FTSJ3: variants seen among roughly 807,000 people sequenced by gnomAD.
FTSJ3 encodes pre-rRNA 2'-O-ribose RNA methyltransferase FTSJ3.
Under a neutral mutation model 111.5 loss-of-function variants are expected in FTSJ3, and 46 were observed. The ratio of observed to expected loss-of-function variants is 0.41; its 90% CI spans 0.33 to 0.53. FTSJ3 has a LOEUF of 0.53. FTSJ3 is among the 20% of genes least tolerant of loss of function. FTSJ3 has a pLI of 0.19. For missense variants in FTSJ3, 1,075 were observed against 1,063.8 expected (o/e 1.01, Z -0.15); for synonymous variants, 408 against 383.0 (o/e 1.07, Z -0.76).
chr17:63,826,546 C>A, intron 3 of FTSJ3, 21 bp downstream of exon 3: 2 of 1,597,972 alleles, frequency 1.3e-6, no homozygotes, highest in African/African-American at 1.3e-5. Context: ...CCAGGAGCAA[C>A]CTGTGGCGAG....
Position 63,819,852 on chromosome 17 carries a change from G to A in FTSJ3, c.2494C>T (p.Gln832Ter). 1.9e-6 allele frequency: 3 copies of A among 1,614,100 alleles called. No homozygotes were observed. The highest frequency in any genetic ancestry group is 2.5e-6 in the Non-Finnish European group (3 of 1,180,018). Reference sequence around the variant, plus strand: ...TGTTCCTTACGTTGCTGTGCTCTTTGGTCCTTCTTCATCCTTGAGTCCACC... The same window carrying A: ...TGTTCCTTACGTTGCTGTGCTCTTTAGTCCTTCTTCATCCTTGAGTCCACC... ...KVVDSRMKKD[Q>*]RAQQRKEQKK... The change falls in exon 21 of 21, where the codon CAA becomes TAA. Residue 832 changes from glutamine to a stop codon, truncating the protein, a stop_gained. Coordinates refer to ENST00000427159, the MANE Select transcript of FTSJ3 (RefSeq NM_017647.4). LOFTEE classifies it high-confidence loss of function.
intron 13 of FTSJ3, among the ~76,000 whole-genome samples, chr17:63,823,246 A>T (rs2040066470): frequency 6.6e-6 from 1 of 152,086 alleles, no homozygotes; most frequent in African/African-American, 2.4e-5. Flanking sequence ...AAACTCAAGT[A>T]ACCTGGCAGC....
In FTSJ3 at chr17:63,827,575, C is replaced by A; in HGVS notation, c.-550G>T. ...GGGCTGGGTGCGGAGCGAGCGTGAT[C>A]TGAGTGGAGAGCGGGCCGGGGCAGG... On this transcript the variant is annotated 5_prime_UTR_variant, in exon 1 of 21. Transcript: ENST00000427159. 6.4e-7 allele frequency: 1 copy of A among 1,551,194 alleles called. No homozygotes were observed. Among genetic ancestry groups the A allele is most frequent in the Admixed American group, 2.0e-5 (1 of 50,980 alleles).
chr17:63,820,352 C>T lies in FTSJ3; in HGVS notation c.2159G>A (p.Gly720Asp). 2 of 1,614,150 alleles carry T rather than the reference C, an allele frequency of 1.2e-6. No individual in the cohort carries two copies. Among genetic ancestry groups the T allele is most frequent in the African/African-American group, 2.7e-5 (2 of 75,012 alleles). ...KQHRIRQLPVGKKEVEHYRKR... is the reference protein window; with the variant it reads ...KQHRIRQLPVDKKEVEHYRKR... ...CCGGTAATGCTCCACCTCCTTCTTA[C>T]CAACAGGCAACTGTCGTATCCGGTG... Residue 720 changes from glycine to aspartate, a missense_variant, in exon 19 of 21, where the codon GGT (glycine) becomes GAT (aspartate). Around this residue, in one of 2 missense-constraint regions of FTSJ3, gnomAD observed 867 missense variants for 796.9 expected, o/e 1.09. Coordinates refer to ENST00000427159, the MANE Select transcript of FTSJ3 (RefSeq NM_017647.4).
Position 63,826,988 on chromosome 17 carries a change from TTTCCCACTTCC to T in FTSJ3, c.-27+53_-26-61del, listed in dbSNP as rs1224530915. The T allele has an allele frequency of 3.4e-3, 578 of 171,302 alleles. 5 individuals carry two copies. The African/African-American group carries it at 0.25, about 74-fold the overall frequency. The allele number at this position is 171,302 out of a possible 1,614,324, so 10.6% of individuals were successfully genotyped here. A position where few individuals can be genotyped will look rare whatever the true frequency, so the allele number is the denominator to read the frequency against. ...CCGGAGCACCAGATTCCACTTCCAG[TTTCCCACTTCC>T]AGTTTCCCACTTCCCGCAGCAATTC... On this transcript the variant is annotated intron_variant, in intron 1 of 20. Transcript: ENST00000427159.
In FTSJ3 at chr17:63,819,552, C is replaced by T. The variant is rs755185706; in HGVS notation, c.*250G>A. 9 of 451,814 alleles carry T rather than the reference C, an allele frequency of 2.0e-5. No individual in the cohort carries two copies. Among genetic ancestry groups the T allele is most frequent in the South Asian group, 4.7e-5 (1 of 21,232 alleles). The allele number at this position is 451,814 out of a possible 1,614,324, so 28.0% of individuals were successfully genotyped here. ...GCTCCAACACCGAACTTCCCTTTAA[C>T]GGTTTAAAAAAAGGGTCATGAGTGT... On this transcript the variant is annotated 3_prime_UTR_variant, in exon 21 of 21. Transcript: ENST00000427159.
rs770024929 is a variant in FTSJ3, at chr17:63,825,451, C to T, written c.401-15G>A. On this transcript the variant is annotated splice_polypyrimidine_tract_variant and intron_variant, in intron 6 of 20. Transcript: ENST00000427159. ...TGTCAAATGGGCTGTAGGATAGAGA[C>T]AATTAGTTGACGCACTCTGCAGCCC... The T allele has an allele frequency of 6.8e-6, 11 of 1,614,012 alleles. 1 individual carries two copies. Among genetic ancestry groups the T allele is most frequent in the South Asian group, 2.2e-5 (2 of 91,080 alleles).
In FTSJ3 at chr17:63,824,074, C is replaced by T; in HGVS notation, c.1154+10G>A. ...TGGGGAACTCCAAGCTCTACCCCAG[C>T]TCCTTTCACCTCTTCAATTCCGCCA... On this transcript the variant is annotated intron_variant, in intron 12 of 20. Transcript: ENST00000427159. 6.2e-7 allele frequency: 1 copy of T among 1,614,172 alleles called. No individual in the cohort carries two copies.
At chr17:63,825,899 C>T in intron 5 of FTSJ3, 157 bp downstream of exon 5, 1 of 677,162 alleles carries the variant, frequency 1.5e-6, no homozygotes, top group Non-Finnish European at 2.6e-6. Flanking sequence ...TAAATAAAGC[C>T]TGGAGTGGAC....
At chr17:63,824,603 G>A in intron 10 of FTSJ3, 34 bp downstream of exon 10, 3 of 1,555,676 alleles carry the variant, frequency 1.9e-6, no homozygotes, top group East Asian at 2.2e-5. Context: ...CTGCCTCCAG[G>A]GCTCCTGGCC....
At position 63,821,125 on chromosome 17, in the gene FTSJ3, G is replaced by C. The variant is rs774220650; in HGVS notation, c.1887-10C>G. On this transcript the variant is annotated splice_polypyrimidine_tract_variant and intron_variant, in intron 16 of 20. Transcript: ENST00000427159. ...ACGGAGGGGTTCCCAGCTGTGAAGA[G>C]GGGAGGACTCTGAGTGATTCCACCA... The C allele has an allele frequency of 5.0e-6, 8 of 1,613,444 alleles. No individual in the cohort carries two copies. Among genetic ancestry groups the C allele is most frequent in the African/African-American group, 4.0e-5 (3 of 74,914 alleles).
chr17:63,823,298 C>T (rs1311260509), intron 13 of FTSJ3, among the ~76,000 whole-genome samples: 2 of 152,116 alleles, frequency 1.3e-5, no homozygotes, highest in Admixed American at 1.3e-4. Flanking sequence ...TCTAGTTCTT[C>T]AAGAATAAAT....
In FTSJ3 at chr17:63,827,082, G is replaced by T; in HGVS notation, c.-57C>A. 1.6e-6 allele frequency: 1 copy of T among 628,496 alleles called. No homozygotes were observed. The highest frequency in any genetic ancestry group is 1.9e-5 in the South Asian group (1 of 53,994). The allele number at this position is 628,496 out of a possible 1,614,324, so 38.9% of individuals were successfully genotyped here. A position where few individuals can be genotyped will look rare whatever the true frequency, so the allele number is the denominator to read the frequency against. On this transcript the variant is annotated 5_prime_UTR_variant, in exon 1 of 21. Coordinates refer to ENST00000427159, the MANE Select transcript of FTSJ3 (RefSeq NM_017647.4). ...CCCAGAGCCGCTTTCTCCACACTTG[G>T]AACCGCACAAGTATGCAGCTAACTA...
chr17:63,825,191 T>A lies in FTSJ3; in HGVS notation c.596-28A>T, dbSNP rs754467637. Reference sequence around the variant, plus strand: ...AAAAATGACAGGATATATTAAAAAGTGTGCTTTGGGAGTTGGGAGCCTGGA... The same window carrying A: ...AAAAATGACAGGATATATTAAAAAGAGTGCTTTGGGAGTTGGGAGCCTGGA... On this transcript the variant is annotated intron_variant, in intron 7 of 20. Transcript: ENST00000427159. The A allele has an allele frequency of 6.8e-6, 11 of 1,613,742 alleles. No individual in the cohort carries two copies. The East Asian group carries it at 2.0e-4, about 29-fold the overall frequency.
intron 5 of FTSJ3, 101 bp downstream of exon 5, chr17:63,825,955 G>A (rs1308117037): frequency 5.3e-6 from 5 of 937,908 alleles, no homozygotes; most frequent in African/African-American, 3.3e-5. Context: ...AGGCAAGAAC[G>A]TGCTCAAAGC....
Position 63,821,577 on chromosome 17 carries a change from A to G in FTSJ3, c.1663T>C (p.Phe555Leu), listed in dbSNP as rs753993771. 26 of 1,613,992 alleles carry G rather than the reference A, an allele frequency of 1.6e-5. 1 individual carries two copies. Among genetic ancestry groups the G allele is most frequent in the African/African-American group, 5.3e-5 (4 of 74,906 alleles). ...TGCCGTCCCTTCCGCCGGTTCTCAAATAACAGCTGGGCCTGACTGATCTCC... is the reference window on the plus strand; with the variant it reads ...TGCCGTCCCTTCCGCCGGTTCTCAAGTAACAGCTGGGCCTGACTGATCTCC... ...ALEISQAQLL[F>L]ENRRKGRQQQ... The change falls in exon 16 of 21, where the codon TTT becomes CTT. Residue 555 changes from phenylalanine to leucine, a missense_variant. Physicochemically the swap from Phe to Leu is conservative, Grantham distance 22. Coordinates refer to ENST00000427159, the MANE Select transcript of FTSJ3 (RefSeq NM_017647.4).
In FTSJ3 at chr17:63,824,723, A is replaced by G. The variant is rs746067618; in HGVS notation, c.831T>C (p.Asp277=). ...LSKASEIMVD[D]EELAQHPATT... ...TAGCTGGATGCTGTGCCAACTCTTC[A>G]TCATCTACCATGATCTGTTTGGGAG... Residue 277 remains aspartate (D), a synonymous_variant, in exon 10 of 21, where the codon GAT becomes GAC. Transcript: ENST00000427159. 6.2e-6 allele frequency: 10 copies of G among 1,613,662 alleles called. No homozygotes were observed. Among genetic ancestry groups the G allele is most frequent in the South Asian group, 5.5e-5 (5 of 91,076 alleles).
intron 18 of FTSJ3, 131 bp downstream of exon 18, chr17:63,820,708 T>C (rs12942754): frequency 1.1e-5 from 6 of 548,624 alleles, no homozygotes; most frequent in Non-Finnish European, 1.8e-5. Context: ...AGAATCAGGC[T>C]GCAGTGAGCC....
In FTSJ3 at chr17:63,819,976, C is replaced by G; in HGVS notation, c.2370G>C (p.Gly790=). 6.2e-7 allele frequency: 1 copy of G among 1,614,154 alleles called. No homozygotes were observed. The highest frequency in any genetic ancestry group is 8.5e-7 in the Non-Finnish European group (1 of 1,179,996). Residue 790 remains glycine (G), a synonymous_variant, in exon 21 of 21, where the codon GGG becomes GGC. Coordinates refer to ENST00000427159, the MANE Select transcript of FTSJ3 (RefSeq NM_017647.4). The part of the protein sequence containing the change: ...AQLRSLYKKA[G]LGKEKRHVTY... ...TGACATGGCGTTTCTCCTTGCCAAG[C>G]CCAGCCTTCTTGTAGAGACTACAGG...
Sources: allele counts gnomAD v4.1 joint callset (sites outside exome capture counted in the v4.1 genomes callset), GRCh38; gene constraint gnomAD v4.1.1; regional missense constraint gnomAD v4.1.1; transcripts MANE v1.5; gene names NCBI Gene and HGNC (gene_info 2026-07-23, HGNC 2026-07-21).